The following MDGA2 variants were observed in gnomAD, a reference collection of about 807,000 sequenced individuals.
MDGA2 encodes the protein MAM domain-containing glycosylphosphatidylinositol anchor protein 2.
Under a neutral mutation model 117.8 loss-of-function variants are expected in MDGA2, and 40 were observed. The ratio of observed to expected loss-of-function variants is 0.34; its 90% confidence interval spans 0.26 to 0.44. The LOEUF (loss-of-function observed/expected upper bound fraction) is 0.44, where lower values mean the gene tolerates loss of function less well. Among genes scored for constraint, MDGA2 ranks in the 20% least tolerant of loss-of-function variants. The pLI is 1.00. For synonymous variants in MDGA2, 452 were observed against 439.0 expected (o/e 1.03, Z -0.37); for missense variants, 1,123 against 1,250.6 (o/e 0.90, Z 1.54).
At chr14:47,552,749 T>C (rs1475563735) in intron 1 of MDGA2, among the ~76,000 whole-genome samples, 1 of 152,108 alleles carries the variant, frequency 6.6e-6, no homozygotes, top group East Asian at 1.9e-4. Context: ...AAATTCAAAG[T>C]AATAGTCAAA....
intron 1 of MDGA2, among the ~76,000 whole-genome samples, chr14:47,439,244 A>T (rs912480118): frequency 2.6e-5 from 4 of 152,160 alleles, no homozygotes; most frequent in Non-Finnish European, 4.4e-5. Flanking sequence ...CAATGACTTA[A>T]GTCAAATAAG....
intron 8 of MDGA2, among the ~76,000 whole-genome samples, chr14:47,033,198 G>GA (rs1339619110): frequency 4.6e-5 from 7 of 152,066 alleles, no homozygotes; most frequent in African/African-American, 1.7e-4. Flanking sequence ...CAGGAGAAAG[G>GA]AAAAAATAGG....
chr14:46,957,028 G>T lies in MDGA2; in HGVS notation c.2089+346C>A, dbSNP rs1885589180. ...GCTTCCCAGTCATGCTTCCTGTTTA[G>T]CTTGTAGAACTGAGTCAGTTAAACC... is the stretch of plus-strand genomic sequence containing the variant. On this transcript the variant is annotated intron_variant, in intron 9 of 16. Coordinates refer to ENST00000399232, the MANE Select transcript of MDGA2 (RefSeq NM_001113498.3). Among the ~76,000 whole-genome samples, 3 of 152,022 alleles carry T rather than the reference G, an allele frequency of 2.0e-5. No individual in the cohort carries two copies. In the South Asian group the frequency reaches 6.2e-4, roughly 32 times the overall value.
At chr14:47,284,508 A>C (rs951921211) in intron 2 of MDGA2, among the ~76,000 whole-genome samples, 6 of 152,164 alleles carry the variant, frequency 3.9e-5, no homozygotes, top group Non-Finnish European at 5.9e-5. Context: ...GATGGCCTTC[A>C]GGTACCCCAG....
intron 1 of MDGA2, among the ~76,000 whole-genome samples, chr14:47,615,965 G>A (rs879700067): frequency 1.3e-5 from 2 of 152,112 alleles, no homozygotes; most frequent in African/African-American, 4.8e-5. Flanking sequence ...AAATACTAAA[G>A]GGGGAGGCCT....
chr14:47,113,066 C>T (rs1236101204), intron 5 of MDGA2, among the ~76,000 whole-genome samples: 1 of 152,044 alleles, frequency 6.6e-6, no homozygotes, highest in Admixed American at 6.6e-5. Flanking sequence ...TGTTCATGTC[C>T]TTTGCTAACT....
chr14:47,107,476 G>C (rs1039701215), intron 5 of MDGA2, among the ~76,000 whole-genome samples: 7 of 151,628 alleles, frequency 4.6e-5, no homozygotes, highest in Non-Finnish European at 8.8e-5. Context: ...TTAATCCCAG[G>C]CTCTCTTCGC....
intron 1 of MDGA2, among the ~76,000 whole-genome samples, chr14:47,367,260 G>A (rs1416587591): frequency 1.3e-5 from 2 of 152,016 alleles, no homozygotes; most frequent in Non-Finnish European, 2.9e-5. Flanking sequence ...CTTGTTTCAG[G>A]GTATGATAAG....
rs1193441438 is a variant in MDGA2 at position 47,669,187 on chromosome 14, T to TAA, written c.280+5328_280+5329dup. Among the ~76,000 whole-genome samples the TAA allele has an allele frequency of 1.4e-4, 22 of 152,332 alleles. No individual in the cohort carries two copies. The East Asian group carries it at 3.9e-3, about 27-fold the overall frequency. ...TGTACCCTGCTTCTCAACCAGGGTT[T>TAA]AAGGTGTTTCACAACTATAAAACAA... On this transcript the variant is annotated intron_variant, in intron 1 of 16. Coordinates refer to ENST00000399232, the MANE Select transcript of MDGA2 (RefSeq NM_001113498.3).
intron 1 of MDGA2, among the ~76,000 whole-genome samples, chr14:47,606,565 T>C (rs1313234929): frequency 6.6e-6 from 1 of 152,176 alleles, no homozygotes; most frequent in Non-Finnish European, 1.5e-5. Context: ...AATCTTGGAA[T>C]CATGGCCTCC....
At chr14:47,173,104 GA>G (rs1884241770) in intron 3 of MDGA2, among the ~76,000 whole-genome samples, 1 of 152,098 alleles carries the variant, frequency 6.6e-6, no homozygotes, top group Non-Finnish European at 1.5e-5. Flanking sequence ...AGAGAAAAAA[GA>G]ATAAAAAGAA....
chr14:47,533,647 T>C (rs1895147737), intron 1 of MDGA2, among the ~76,000 whole-genome samples: 1 of 152,204 alleles, frequency 6.6e-6, no homozygotes. Flanking sequence ...TGTCCTAATT[T>C]GGAATTTTAA....
rs1280535399 is a variant in MDGA2 at position 47,241,150 on chromosome 14, G to C, written c.421-22955C>G. On this transcript the variant is annotated intron_variant, in intron 2 of 16. Transcript: ENST00000399232. ...ATGTTGCAAAGTTGATCATTTAAAA[G>C]GTTACTTTAATACTTCCTTAAAACA... Among the ~76,000 whole-genome samples, 3 of 151,734 alleles carry C rather than the reference G, an allele frequency of 2.0e-5. 1 individual carries two copies. Among genetic ancestry groups the C allele is most frequent in the Admixed American group, 6.6e-5 (1 of 15,218 alleles).
intron 14 of MDGA2, among the ~76,000 whole-genome samples, chr14:46,856,284 C>T (rs1173806823): frequency 2.0e-5 from 3 of 151,870 alleles, no homozygotes; most frequent in Non-Finnish European, 2.9e-5. Flanking sequence ...AATTTACATG[C>T]AATAAAATTC....
intron 1 of MDGA2, among the ~76,000 whole-genome samples, chr14:47,413,022 T>TTTG (rs1158633663): frequency 1.3e-5 from 2 of 152,224 alleles, no homozygotes; most frequent in Non-Finnish European, 2.9e-5. Context: ...CAGGACCATT[T>TTTG]TTGCTCTAGT....
At chr14:46,857,061 C>A (rs1473657135) in intron 14 of MDGA2, among the ~76,000 whole-genome samples, 1 of 152,188 alleles carries the variant, frequency 6.6e-6, no homozygotes, top group Non-Finnish European at 1.5e-5. Flanking sequence ...TTATCTGCCC[C>A]ATTTCTTTAC....
intron 14 of MDGA2, among the ~76,000 whole-genome samples, chr14:46,865,562 A>C (rs1472068746): frequency 6.6e-6 from 1 of 152,110 alleles, no homozygotes; most frequent in African/African-American, 2.4e-5. Context: ...AGGAGAAGGA[A>C]ATAAAGGGTA....
chr14:47,456,447 C>T (rs1893355818), intron 1 of MDGA2, among the ~76,000 whole-genome samples: 1 of 148,950 alleles, frequency 6.7e-6, no homozygotes, highest in African/African-American at 2.5e-5. Flanking sequence ...CATGCACCAC[C>T]ACGCCTGGCT....
chr14:47,114,580 C>G (rs1226962979), intron 5 of MDGA2, among the ~76,000 whole-genome samples: 1 of 152,004 alleles, frequency 6.6e-6, no homozygotes, highest in African/African-American at 2.4e-5. Context: ...GACACATAGA[C>G]CAATGGAACA....
Sources: allele counts gnomAD v4.1 joint callset (sites outside exome capture counted in the v4.1 genomes callset), GRCh38; gene constraint gnomAD v4.1.1; transcripts MANE v1.5; gene names NCBI Gene and HGNC (gene_info 2026-07-23, HGNC 2026-07-21).